Variants in MAL2 observed in about 807,000 individuals in gnomAD.
MAL2 encodes the protein mal, T cell differentiation protein 2, also known as protein MAL2.
A neutral mutation model predicts 18.1 loss-of-function variants in MAL2; 17 were observed. The ratio of observed to expected loss-of-function variants is 0.94; its 90% CI spans 0.64 to 1.41. MAL2 has a LOEUF of 1.41. Ranked by LOEUF, MAL2 falls within the 40% of genes most tolerant of loss-of-function variation. The probability of loss-of-function intolerance (pLI) is 0.00; values close to 1 mark genes in which losing one functional copy is unlikely to be tolerated. For synonymous variants in MAL2, 102 were observed against 102.3 expected (o/e 1.00, Z 0.02); for missense variants, 222 against 231.9 (o/e 0.96, Z 0.28).
intron 2 of MAL2, among the ~76,000 whole-genome samples, chr8:119,225,273 CCCCCA>C (rs1185401399): frequency 6.6e-6 from 1 of 152,012 alleles, no homozygotes; most frequent in Non-Finnish European, 1.5e-5. Flanking sequence ...CTCCCCACTC[CCCCCA>C]CCCCACAACA....
intron 1 of MAL2, chr8:119,221,314 C>G (rs1031663820): frequency 6.4e-5 from 21 of 326,156 alleles, no homozygotes; most frequent in Non-Finnish European, 1.0e-4. Flanking sequence ...TGAAGGAATA[C>G]TGGACATGTA....
chr8:119,214,646 G>A (rs1012447887), intron 1 of MAL2, among the ~76,000 whole-genome samples: 17 of 152,170 alleles, frequency 1.1e-4, no homozygotes, highest in Non-Finnish European at 5.9e-5. Flanking sequence ...TGTAATATGA[G>A]CTTTCCATTT....
chr8:119,221,227 T>A (rs1167488455), intron 1 of MAL2: 1 of 176,494 alleles, frequency 5.7e-6, no homozygotes, highest in Non-Finnish European at 1.2e-5. Flanking sequence ...GTTAAAATGG[T>A]TGACTGAAAA....
intron 1 of MAL2, among the ~76,000 whole-genome samples, chr8:119,216,626 T>G (rs1188463063): frequency 6.6e-6 from 1 of 152,204 alleles, no homozygotes; most frequent in Non-Finnish European, 1.5e-5. Flanking sequence ...TTGCTTTTCC[T>G]CTATGTTTGC....
intron 2 of MAL2, among the ~76,000 whole-genome samples, chr8:119,235,180 A>G (rs538994497): frequency 0.023 from 3,563 of 152,150 alleles, 119 homozygotes; most frequent in African/African-American, 0.078. Context: ...CTCAGGAGCG[A>G]ATGCGATCAA....
chr8:119,244,268 AAATACTTACCTTTGGAG>A lies in MAL2; in HGVS notation c.*798_*814del, dbSNP rs1352147703. 5.9e-5 allele frequency: 9 copies of A among 152,202 alleles called. No individual in the cohort carries two copies. Among genetic ancestry groups the A allele is most frequent in the Non-Finnish European group, 1.0e-4 (7 of 68,036 alleles). The allele number at this position is 152,202 out of a possible 1,614,324, so 9.4% of individuals were successfully genotyped here. A position where few individuals can be genotyped will look rare whatever the true frequency, so the allele number is the denominator to read the frequency against. ...TCACATTGCCTTTGTGTTAATAGTC[AAATACTTACCTTTGGAG>A]AATACTTACCTTTGGAGGAATGTAT... On this transcript the variant is annotated 3_prime_UTR_variant, in exon 4 of 4. Transcript: ENST00000614891.
intron 2 of MAL2, among the ~76,000 whole-genome samples, chr8:119,222,568 C>T (rs1817488679): frequency 1.3e-5 from 2 of 151,298 alleles, no homozygotes; most frequent in Non-Finnish European, 1.5e-5. Flanking sequence ...TGGCTCATGC[C>T]TATAGTCCCA....
At chr8:119,232,554 G>A (rs530706566) in intron 2 of MAL2, among the ~76,000 whole-genome samples, 27 of 152,182 alleles carry the variant, frequency 1.8e-4, no homozygotes, top group Admixed American at 5.9e-4. Flanking sequence ...CCTAATAAAC[G>A]AGTTCTTATA....
chr8:119,238,187 T>C (rs1817955714), intron 2 of MAL2, among the ~76,000 whole-genome samples: 1 of 152,192 alleles, frequency 6.6e-6, no homozygotes, highest in Non-Finnish European at 1.5e-5. Flanking sequence ...CCATTCACAA[T>C]TGCTTCAAAG....
Position 119,219,795 on chromosome 8 carries a change from G to A in MAL2, c.133-1792G>A, listed in dbSNP as rs1286198063. Among the ~76,000 whole-genome samples the A allele has an allele frequency of 3.9e-5, 6 of 152,276 alleles. No homozygotes were observed. The East Asian group carries it at 9.7e-4, about 24-fold the overall frequency. Reference sequence around the variant, plus strand: ...AGAGCCAAAGGGATTTAATTACAGTGTATCTCACTGATGTAACAAAGCCCA... The same window carrying A: ...AGAGCCAAAGGGATTTAATTACAGTATATCTCACTGATGTAACAAAGCCCA... On this transcript the variant is annotated intron_variant, in intron 1 of 3. Transcript: ENST00000614891.
chr8:119,231,216 T>C (rs1040993727), intron 2 of MAL2, among the ~76,000 whole-genome samples: 2 of 152,122 alleles, frequency 1.3e-5, no homozygotes, highest in African/African-American at 4.8e-5. Context: ...GTATTTTTAG[T>C]AGAGACAGGG....
Position 119,243,490 on chromosome 8 carries a change from A to T in MAL2, c.*2A>T. 1 of 1,589,594 alleles carries T rather than the reference A, an allele frequency of 6.3e-7. No homozygotes were observed. Among genetic ancestry groups the T allele is most frequent in the Non-Finnish European group, 8.6e-7 (1 of 1,166,606 alleles). On this transcript the variant is annotated 3_prime_UTR_variant, in exon 4 of 4. Transcript: ENST00000614891. ...GCTTTACGAAGATGGCGACCGTAAC[A>T]CTCCTTAGAAACTGGCAGTCGTATG...
Position 119,208,586 on chromosome 8 carries a change from CT to C in MAL2, c.116del (p.Phe39SerfsTer35). 1 of 1,381,760 alleles carries C rather than the reference CT, an allele frequency of 7.2e-7. No individual in the cohort carries two copies. 85.6% of individuals were successfully genotyped at this position (1,381,760 alleles called of 1,614,324 possible). The stretch of plus-strand genomic sequence containing the variant: ...ACATCCTGCGGACCTACTCGGGCGC[CT>C]TCGTCTGCCTGGAGATTGTAAGTGG... Reference protein sequence around the residue: ...PDILRTYSGAFVCLEILFGGL... With the variant: ...PDILRTYSGAXVCLEILFGGL... On this transcript the variant is annotated frameshift_variant, in exon 1 of 4. Coordinates refer to ENST00000614891, the MANE Select transcript of MAL2 (RefSeq NM_052886.3). LOFTEE classifies it high-confidence loss of function. This position sits in a 1 kb window ranked among gnomAD's most constrained non-coding sequence, Gnocchi z 4.3.
chr8:119,220,509 A>G (rs569291323), intron 1 of MAL2, among the ~76,000 whole-genome samples: 2 of 152,278 alleles, frequency 1.3e-5, no homozygotes, highest in Non-Finnish European at 2.9e-5. Flanking sequence ...AATCTTGACC[A>G]TGCTAGTTTC....
chr8:119,214,878 CCTAA>C (rs1170105252), intron 1 of MAL2, among the ~76,000 whole-genome samples: 2 of 152,264 alleles, frequency 1.3e-5, no homozygotes, highest in Non-Finnish European at 2.9e-5. Flanking sequence ...GTTCTGTTTT[CCTAA>C]CTAACTAAAT....
chr8:119,213,068 A>G (rs1269935047), intron 1 of MAL2, among the ~76,000 whole-genome samples: 1 of 152,208 alleles, frequency 6.6e-6, no homozygotes, highest in Non-Finnish European at 1.5e-5. Flanking sequence ...AGAACCTGAA[A>G]TAGAACCAAT....
intron 2 of MAL2, among the ~76,000 whole-genome samples, chr8:119,230,457 C>T (rs1159430837): frequency 1.3e-5 from 2 of 151,956 alleles, no homozygotes; most frequent in African/African-American, 4.8e-5. Context: ...CGGGAAGGGG[C>T]AAGCAGTAAT....
rs1320080928 is a variant in MAL2 at position 119,233,781 on chromosome 8, A to G, written c.304-6384A>G. ...AACTGGTACCATTCCTTCTGAAACT[A>G]TTCCTATCAATAGAAAAAGAGAGAA... On this transcript the variant is annotated intron_variant, in intron 2 of 3. Transcript: ENST00000614891. 1.4e-3 allele frequency among the ~76,000 whole-genome samples: 212 copies of G among 149,516 alleles called. 1 individual carries two copies. Among genetic ancestry groups the G allele is most frequent in the African/African-American group, 5.0e-3 (196 of 38,868 alleles).
chr8:119,227,443 C>T (rs1307665231), intron 2 of MAL2, among the ~76,000 whole-genome samples: 1 of 152,180 alleles, frequency 6.6e-6, no homozygotes, highest in Non-Finnish European at 1.5e-5. Context: ...TACAAAACTT[C>T]AGAACACAGC....
Sources: allele counts gnomAD v4.1 joint callset (sites outside exome capture counted in the v4.1 genomes callset), GRCh38; gene constraint gnomAD v4.1.1; non-coding constraint Gnocchi (gnomAD v3.1); transcripts MANE v1.5; gene names NCBI Gene and HGNC (gene_info 2026-07-23, HGNC 2026-07-21).